The following CD58 variants were observed in gnomAD, a reference collection of about 807,000 sequenced individuals.
CD58 encodes the protein CD58 molecule, also known as lymphocyte function-associated antigen 3.
A neutral mutation model predicts 27.6 loss-of-function variants in CD58; 14 were observed. That is an observed-to-expected ratio of 0.51 (90% CI 0.34 to 0.79). The LOEUF is 0.79. Ranked by LOEUF, CD58 falls within the 30% of genes least tolerant of loss-of-function variation. The pLI is 0.02. For synonymous variants in CD58, 117 were observed against 103.8 expected (o/e 1.13, Z -0.77); for missense variants, 268 against 301.7 (o/e 0.89, Z 0.83).
rs2101153459 is a variant in CD58, at chr1:116,519,924, A to G, written c.707-657T>C. 6.6e-6 allele frequency among the ~76,000 whole-genome samples: 1 copy of G among 152,326 alleles called. No homozygotes were observed. The highest frequency in any genetic ancestry group is 2.4e-5 in the African/African-American group (1 of 41,566). ...CCTGCCCACAGTAGGCATCCGCCTG[A>G]CCCTAGAACTATGCTAGTGGTTCAG... is the stretch of plus-strand genomic sequence containing the variant. On this transcript the variant is annotated intron_variant, in intron 4 of 5. Coordinates refer to ENST00000369489, the MANE Select transcript of CD58 (RefSeq NM_001779.3). This position sits in a 1 kb window ranked among gnomAD's most constrained non-coding sequence, Gnocchi z 4.7.
At chr1:116,530,195 C>A (rs949165436) in intron 3 of CD58, among the ~76,000 whole-genome samples, 2 of 150,120 alleles carry the variant, frequency 1.3e-5, no homozygotes, top group African/African-American at 2.5e-5. Flanking sequence ...CCTGGTTGAC[C>A]CTGTCTCCTC....
At chr1:116,556,967 A>G (rs1175815092) in intron 1 of CD58, among the ~76,000 whole-genome samples, 1 of 152,214 alleles carries the variant, frequency 6.6e-6, no homozygotes, top group Non-Finnish European at 1.5e-5. Context: ...TTTGTGTGAA[A>G]ATTCCTGTTC....
intron 1 of CD58, among the ~76,000 whole-genome samples, chr1:116,548,395 T>C (rs1462053857): frequency 6.6e-6 from 1 of 152,218 alleles, no homozygotes; most frequent in Non-Finnish European, 1.5e-5. Context: ...AGAAGAGTTT[T>C]TCTGATGTTA....
chr1:116,538,145 C>G lies in CD58; in HGVS notation c.365-1917G>C, dbSNP rs1211985267. 6.6e-6 allele frequency among the ~76,000 whole-genome samples: 1 copy of G among 152,170 alleles called. No homozygotes were observed. Among genetic ancestry groups the G allele is most frequent in the Non-Finnish European group, 1.5e-5 (1 of 68,028 alleles). On this transcript the variant is annotated intron_variant, in intron 2 of 5. Transcript: ENST00000369489. This position sits in a 1 kb window ranked among gnomAD's most constrained non-coding sequence, Gnocchi z 4.7. ...GGGCTTCCTAGTTTTTAAGTTTAATCTAGCTCACACAAGTCCTTACATACT... is the reference window on the plus strand; with the variant it reads ...GGGCTTCCTAGTTTTTAAGTTTAATGTAGCTCACACAAGTCCTTACATACT...
chr1:116,520,434 A>T (rs540915445), intron 4 of CD58, among the ~76,000 whole-genome samples: 13 of 150,506 alleles, frequency 8.6e-5, no homozygotes, highest in Non-Finnish European at 1.2e-4. Context: ...TTTTTTTTTT[A>T]AGAACAAATT....
intron 2 of CD58, among the ~76,000 whole-genome samples, chr1:116,543,780 G>A (rs1388298985): frequency 6.6e-6 from 1 of 152,086 alleles, no homozygotes; most frequent in African/African-American, 2.4e-5. Flanking sequence ...AAATTAGCTG[G>A]GCATGGTGGT....
chr1:116,536,466 C>A lies in CD58; in HGVS notation c.365-238G>T, dbSNP rs1331898402. Among the ~76,000 whole-genome samples the A allele has an allele frequency of 6.6e-6, 1 of 152,132 alleles. No homozygotes were observed. Among genetic ancestry groups the A allele is most frequent in the Non-Finnish European group, 1.5e-5 (1 of 68,018 alleles). Reference sequence around the variant, plus strand: ...CTCTGGGTCCTCACCCAAATCTCATCTTGAATTGTAATTCCCATGTGTCGA... The same window carrying A: ...CTCTGGGTCCTCACCCAAATCTCATATTGAATTGTAATTCCCATGTGTCGA... On this transcript the variant is annotated intron_variant, in intron 2 of 5. Coordinates refer to ENST00000369489, the MANE Select transcript of CD58 (RefSeq NM_001779.3). The surrounding 1 kb of genome is among the most constrained non-coding windows in gnomAD (Gnocchi z 5.4).
At position 116,552,128 on chromosome 1, in the gene CD58, T is replaced by C. The variant is rs1269664411; in HGVS notation, c.71-7524A>G. On this transcript the variant is annotated intron_variant, in intron 1 of 5. Transcript: ENST00000369489. The surrounding 1 kb of genome is among the most constrained non-coding windows in gnomAD (Gnocchi z 4.5). ...AGTGAGAGACAGTGCAACTCTTCTTTTCACTTGAGCACTTAGAAGCCATTG... is the reference window on the plus strand; with the variant it reads ...AGTGAGAGACAGTGCAACTCTTCTTCTCACTTGAGCACTTAGAAGCCATTG... Among the ~76,000 whole-genome samples, 2 of 152,210 alleles carry C rather than the reference T, an allele frequency of 1.3e-5. No homozygotes were observed. Among genetic ancestry groups the C allele is most frequent in the African/African-American group, 4.8e-5 (2 of 41,458 alleles).
At chr1:116,542,854 G>C (rs1658035492) in intron 2 of CD58, among the ~76,000 whole-genome samples, 1 of 152,224 alleles carries the variant, frequency 6.6e-6, no homozygotes, top group African/African-American at 2.4e-5. Flanking sequence ...GTGAGAGCTT[G>C]TGGAAATTGC....
At position 116,521,359 on chromosome 1, in the gene CD58, C is replaced by G. The variant is rs1657256055; in HGVS notation, c.706+547G>C. 6.6e-6 allele frequency among the ~76,000 whole-genome samples: 1 copy of G among 152,136 alleles called. No individual in the cohort carries two copies. The highest frequency in any genetic ancestry group is 2.4e-5 in the African/African-American group (1 of 41,412). On this transcript the variant is annotated intron_variant, in intron 4 of 5. Coordinates refer to ENST00000369489, the MANE Select transcript of CD58 (RefSeq NM_001779.3). This position sits in a 1 kb window ranked among gnomAD's most constrained non-coding sequence, Gnocchi z 5.6. ...GGGATTTGAGAGGGATTACTCATTA[C>G]CAGGAATGAACAGGCTGGGAACAAA... is the stretch of plus-strand genomic sequence containing the variant.
At position 116,516,869 on chromosome 1, in the gene CD58, T is replaced by C. The variant is rs1356461913; in HGVS notation, c.744-2047A>G. Reference sequence around the variant, plus strand: ...CTCTCTCCCTGGTGTGGCCACAAGCTTCTTGTGGGAGGAGCCCTATTATAT... The same window carrying C: ...CTCTCTCCCTGGTGTGGCCACAAGCCTCTTGTGGGAGGAGCCCTATTATAT... On this transcript the variant is annotated intron_variant, in intron 5 of 5. Transcript: ENST00000369489. This position sits in a 1 kb window ranked among gnomAD's most constrained non-coding sequence, Gnocchi z 6.1. 6.6e-6 allele frequency among the ~76,000 whole-genome samples: 1 copy of C among 152,174 alleles called. No homozygotes were observed. Among genetic ancestry groups the C allele is most frequent in the Admixed American group, 6.5e-5 (1 of 15,284 alleles).
At chr1:116,562,516 T>A in intron 1 of CD58, among the ~76,000 whole-genome samples, 1 of 152,068 alleles carries the variant, frequency 6.6e-6, no homozygotes, top group Non-Finnish European at 1.5e-5. Context: ...GGTGTATTAG[T>A]CCATTCTCGC....
chr1:116,556,163 G>A (rs1368354380), intron 1 of CD58, among the ~76,000 whole-genome samples: 1 of 150,586 alleles, frequency 6.6e-6, no homozygotes, highest in Non-Finnish European at 1.5e-5. Flanking sequence ...GCTGAGGCAG[G>A]AGAATCGCTT....
rs1387350947 is a variant in CD58, at chr1:116,557,615, T to G, written c.71-13011A>C. Among the ~76,000 whole-genome samples, 1 of 152,114 alleles carries G rather than the reference T, an allele frequency of 6.6e-6. No individual in the cohort carries two copies. Among genetic ancestry groups the G allele is most frequent in the African/African-American group, 2.4e-5 (1 of 41,414 alleles). ...TGATGTCATTTCTTTCTTTTCTTTC[T>G]TTTTATTTTTCTCTTTCTTTCCCTC... On this transcript the variant is annotated intron_variant, in intron 1 of 5. Coordinates refer to ENST00000369489, the MANE Select transcript of CD58 (RefSeq NM_001779.3). This position sits in a 1 kb window ranked among gnomAD's most constrained non-coding sequence, Gnocchi z 5.2.
rs921097861 is a variant in CD58 at position 116,528,628 on chromosome 1, A to G, written c.629-6645T>C. Among the ~76,000 whole-genome samples the G allele has an allele frequency of 6.6e-5, 10 of 152,236 alleles. No homozygotes were observed. Among genetic ancestry groups the G allele is most frequent in the African/African-American group, 2.4e-4 (10 of 41,462 alleles). On this transcript the variant is annotated intron_variant, in intron 3 of 5. Transcript: ENST00000369489. This position sits in a 1 kb window ranked among gnomAD's most constrained non-coding sequence, Gnocchi z 4.4. The stretch of plus-strand genomic sequence containing the variant: ...GTGCCCTTTCCCTAGGCTCCCATTT[A>G]GAGTTCTGTGTCAATGTGGAGGGTG...
chr1:116,568,387 A>G (rs770154160), intron 1 of CD58, among the ~76,000 whole-genome samples: 3 of 152,216 alleles, frequency 2.0e-5, no homozygotes, highest in Non-Finnish European at 4.4e-5. Flanking sequence ...GCAAATGTTC[A>G]CTGTACTAAT....
chr1:116,533,855 T>C, intron 3 of CD58: 2 of 893,338 alleles, frequency 2.2e-6, no homozygotes, highest in South Asian at 2.6e-5. Context: ...TTGGCTTCTA[T>C]ATGAGCGCAT....
chr1:116,558,095 T>C (rs1169904372), intron 1 of CD58, among the ~76,000 whole-genome samples: 1 of 148,794 alleles, frequency 6.7e-6, no homozygotes, highest in African/African-American at 2.5e-5. Context: ...CTCTCTAAAA[T>C]ATTTTAAGGC....
rs1377218265 is a variant in CD58, at chr1:116,534,396, A to G, written c.628+1569T>C. ...AGAGGTCCTGGACGTCTCCACCTTA[A>G]AAACGGGAAGCCTGAATGCTCCTCC... is the stretch of plus-strand genomic sequence containing the variant. On this transcript the variant is annotated intron_variant, in intron 3 of 5. Coordinates refer to ENST00000369489, the MANE Select transcript of CD58 (RefSeq NM_001779.3). The surrounding 1 kb of genome is among the most constrained non-coding windows in gnomAD (Gnocchi z 5.3). 6.6e-6 allele frequency among the ~76,000 whole-genome samples: 1 copy of G among 152,232 alleles called. No homozygotes were observed. Among genetic ancestry groups the G allele is most frequent in the Admixed American group, 6.5e-5 (1 of 15,284 alleles).
Sources: gnomAD v4.1 joint callset for allele counts (sites outside exome capture counted in the v4.1 genomes callset) on GRCh38, gnomAD v4.1.1 for gene constraint, Gnocchi (gnomAD v3.1) non-coding constraint, MANE v1.5 for transcripts, NCBI Gene and HGNC (gene_info 2026-07-23, HGNC 2026-07-21) for gene names.